The following IL1RAPL2 variants were observed in gnomAD, a reference collection of about 807,000 sequenced individuals.
IL1RAPL2 encodes X-linked interleukin-1 receptor accessory protein-like 2.
IL1RAPL2 carries 3 observed loss-of-function variants against 44.1 expected under a neutral mutation model. The observed-to-expected ratio is 0.07, with a 90% CI of 0.03 to 0.18. The LOEUF (loss-of-function observed/expected upper bound fraction) is 0.18, where lower values mean the gene tolerates loss of function less well. Among genes scored for constraint, IL1RAPL2 ranks in the 10% least tolerant of loss-of-function variants. The pLI is 1.00. For missense variants in IL1RAPL2, 391 were observed against 496.4 expected (o/e 0.79, Z 2.02); for synonymous variants, 181 against 178.8 (o/e 1.01, Z -0.10).
At chrX:104,966,071 A>G (rs1204119625) in intron 2 of IL1RAPL2, among the ~76,000 whole-genome samples, 4 of 111,363 alleles carry the variant, frequency 3.6e-5, no homozygotes, top group African/African-American at 1.3e-4. Flanking sequence ...ATAATGCAGG[A>G]AAAATAAATC....
intron 2 of IL1RAPL2, among the ~76,000 whole-genome samples, chrX:104,961,814 G>A (rs1432130897): frequency 9.0e-6 from 1 of 111,635 alleles, no homozygotes; most frequent in Non-Finnish European, 1.9e-5. Context: ...GCCCAGAATA[G>A]GCACTCAAAA....
At chrX:104,999,285 G>A (rs2030808868) in intron 2 of IL1RAPL2, among the ~76,000 whole-genome samples, 1 of 111,774 alleles carries the variant, frequency 8.9e-6, no homozygotes, top group Non-Finnish European at 1.9e-5. Context: ...TGTGTACGTG[G>A]AGTGGGAGAG....
intron 2 of IL1RAPL2, among the ~76,000 whole-genome samples, chrX:104,769,583 G>A (rs1932608739): frequency 8.9e-6 from 1 of 112,114 alleles, no homozygotes; most frequent in Non-Finnish European, 1.9e-5. Context: ...ATATCATGTA[G>A]GTTTATATTC....
intron 5 of IL1RAPL2, among the ~76,000 whole-genome samples, chrX:105,360,422 T>A (rs766331941): frequency 8.9e-6 from 1 of 111,747 alleles, no homozygotes; most frequent in Non-Finnish European, 1.9e-5. Flanking sequence ...CAAAGTCCTG[T>A]CCTCATAGAG....
intron 1 of IL1RAPL2, among the ~76,000 whole-genome samples, chrX:104,569,076 G>A (rs1257424903): frequency 8.9e-6 from 1 of 112,373 alleles, no homozygotes; most frequent in Non-Finnish European, 1.9e-5. Context: ...GTCTGAAGGA[G>A]AGGCAAGTTG....
intron 1 of IL1RAPL2, among the ~76,000 whole-genome samples, chrX:104,602,122 A>C (rs977354981): frequency 2.1e-4 from 23 of 111,443 alleles, no homozygotes; most frequent in Admixed American, 1.1e-3. Context: ...TGCATTTCCA[A>C]CTGAGGTACC....
chrX:104,846,440 TG>T (rs896650794), intron 2 of IL1RAPL2, among the ~76,000 whole-genome samples: 4 of 109,988 alleles, frequency 3.6e-5, no homozygotes, highest in African/African-American at 1.3e-4. Flanking sequence ...AGTGAGAACA[TG>T]GGGTGTTTGG....
At chrX:104,587,487 G>T (rs777128530) in intron 1 of IL1RAPL2, among the ~76,000 whole-genome samples, 3 of 111,822 alleles carry the variant, frequency 2.7e-5, no homozygotes, top group Non-Finnish European at 5.6e-5. Flanking sequence ...TGCTACTTTA[G>T]TTCTGGAAGT....
chrX:105,563,547 A>G lies in IL1RAPL2; in HGVS notation c.772+79160A>G, dbSNP rs188662209. On this transcript the variant is annotated intron_variant, in intron 6 of 10. Transcript: ENST00000372582. The stretch of plus-strand genomic sequence containing the variant: ...CTTTCTATATGTAGCTATGTTACAC[A>G]TAGAGTCTCATTTAATTCTCCCAAC... Among the ~76,000 whole-genome samples the G allele has an allele frequency of 3.6e-5, 4 of 112,057 alleles. No homozygotes were observed. In the Admixed American group the frequency reaches 3.8e-4, roughly 11 times the overall value.
chrX:105,041,799 A>T (rs1025656488), intron 2 of IL1RAPL2, among the ~76,000 whole-genome samples: 1 of 110,055 alleles, frequency 9.1e-6, no homozygotes, highest in African/African-American at 3.3e-5. Flanking sequence ...ACAAAGCTGG[A>T]GGCATCACGC....
At chrX:105,583,708 T>G (rs1182967140) in intron 6 of IL1RAPL2, among the ~76,000 whole-genome samples, 2 of 112,046 alleles carry the variant, frequency 1.8e-5, no homozygotes, top group Non-Finnish European at 3.8e-5. Context: ...TTCAAAAATT[T>G]GTTTTACTAA....
chrX:105,558,109 G>C (rs759194923), intron 6 of IL1RAPL2, among the ~76,000 whole-genome samples: 1 of 111,322 alleles, frequency 9.0e-6, no homozygotes, highest in East Asian at 2.8e-4. Flanking sequence ...GTATAGTGTG[G>C]TGGTAAAATG....
intron 6 of IL1RAPL2, among the ~76,000 whole-genome samples, chrX:105,678,491 C>G (rs1265738049): frequency 1.8e-5 from 2 of 110,453 alleles, no homozygotes; most frequent in African/African-American, 3.3e-5. Context: ...CCCATCCCCC[C>G]CAACCCTCAT....
chrX:104,981,149 G>A (rs1306433040), intron 2 of IL1RAPL2, among the ~76,000 whole-genome samples: 2 of 108,054 alleles, frequency 1.9e-5, no homozygotes, highest in Admixed American at 1.0e-4. Flanking sequence ...CCAACTTTTA[G>A]GTTCAAGGGG....
At chrX:104,919,224 C>CTTT (rs35363128) in intron 2 of IL1RAPL2, among the ~76,000 whole-genome samples, 2 of 96,044 alleles carry the variant, frequency 2.1e-5, no homozygotes, top group Admixed American at 1.1e-4. Context: ...CTTTTTCTTT[C>CTTT]TTTTTTTTTT....
intron 2 of IL1RAPL2, among the ~76,000 whole-genome samples, chrX:105,176,375 C>T (rs1438968160): frequency 9.0e-6 from 1 of 111,025 alleles, no homozygotes; most frequent in Non-Finnish European, 1.9e-5. Flanking sequence ...TATATGTGGC[C>T]ATTTCCCAGC....
At chrX:104,991,378 G>A (rs1401652207) in intron 2 of IL1RAPL2, among the ~76,000 whole-genome samples, 1 of 111,437 alleles carries the variant, frequency 9.0e-6, no homozygotes, top group Non-Finnish European at 1.9e-5. Flanking sequence ...GCCAGAGGAA[G>A]GTTAAGAGTC....
chrX:105,351,275 T>G (rs2035152185), intron 5 of IL1RAPL2, among the ~76,000 whole-genome samples: 1 of 111,252 alleles, frequency 9.0e-6, no homozygotes, highest in Non-Finnish European at 1.9e-5. Context: ...GCAATCTCAT[T>G]ACTGGGTATA....
At chrX:104,887,368 C>A (rs752614285) in intron 2 of IL1RAPL2, among the ~76,000 whole-genome samples, 15 of 112,232 alleles carry the variant, frequency 1.3e-4, no homozygotes, top group Non-Finnish European at 2.6e-4. Context: ...CTCTTGGAGT[C>A]CTTACTTAGA....
Sources: gnomAD v4.1 joint callset for allele counts (sites outside exome capture counted in the v4.1 genomes callset) on GRCh38, gnomAD v4.1.1 for gene constraint, MANE v1.5 for transcripts, NCBI Gene and HGNC (gene_info 2026-07-23, HGNC 2026-07-21) for gene names.